Variants in IL7 observed in about 807,000 individuals in gnomAD.
IL7 encodes the protein interleukin 7.
A neutral mutation model predicts 21.6 loss-of-function variants in IL7; 3 were observed. The observed-to-expected ratio is 0.14, with a 90% confidence interval of 0.06 to 0.36. The LOEUF (loss-of-function observed/expected upper bound fraction) is 0.36. Among genes scored for constraint, IL7 ranks in the 10% least tolerant of loss-of-function variants. The pLI, the probability that IL7 is intolerant of heterozygous loss-of-function variation, is 1.00. For missense variants in IL7, 175 were observed against 200.2 expected, an observed-to-expected ratio of 0.87 and a Z score of 0.76; for synonymous variants, 62 against 68.1, an observed-to-expected ratio of 0.91 and a Z score of 0.44.
rs1412219433 is a variant in IL7 at position 78,695,498 on chromosome 8, T to C, written n.215-9551A>G. 3.3e-5 allele frequency among the ~76,000 whole-genome samples: 5 copies of C among 152,298 alleles called. No homozygotes were observed. The East Asian group carries it at 9.6e-4, about 29-fold the overall frequency. On this transcript the variant is annotated intron_variant and non_coding_transcript_variant, in intron 3 of 4. Transcript: ENST00000523959. ...TGCTAATCATTTTGCTCTTTTTTGATTGTACAGTTTGAGTGGGTCAGCAGT... is the reference window on the plus strand; with the variant it reads ...TGCTAATCATTTTGCTCTTTTTTGACTGTACAGTTTGAGTGGGTCAGCAGT...
chr8:78,708,857 A>G (rs1304670995), intron 3 of IL7, among the ~76,000 whole-genome samples: 5 of 151,784 alleles, frequency 3.3e-5, no homozygotes, highest in African/African-American at 1.2e-4. Flanking sequence ...TTGAATTTTT[A>G]TGGGTTTTCA....
rs761947069 is a variant in IL7, at chr8:78,738,630, A to T, written c.234T>A (p.Gly78=). The change falls in exon 4 of 6, where the codon GGT becomes GGA. Residue 78 remains glycine (G), a synonymous_variant. Coordinates refer to ENST00000263851, the MANE Select transcript of IL7 (RefSeq NM_000880.4). ...KRHICDANKE[G]MFLFRAARKL... ...TGCGAGCAGCACGGAATAAAAACAT[A>T]CCTTCCTATTATAGGAAAAAGTCAG... 2.4e-5 allele frequency: 38 copies of T among 1,613,156 alleles called. No individual in the cohort carries two copies. Among genetic ancestry groups the T allele is most frequent in the Non-Finnish European group, 3.0e-5 (35 of 1,179,542 alleles).
In IL7 at chr8:78,686,384, T is replaced by C. The variant is rs536278182; in HGVS notation, n.215-437A>G. 5 of 1,092,718 alleles carry C rather than the reference T, an allele frequency of 4.6e-6. No homozygotes were observed. The Admixed American group carries it at 1.6e-4, about 36-fold the overall frequency. The allele number at this position is 1,092,718 out of a possible 1,614,324, so 67.7% of individuals were successfully genotyped here. ...TGATAAGAGAACATTTAAAATGATA[T>C]GGAATTATCTGATGTTTTATTTCAA... On this transcript the variant is annotated intron_variant and non_coding_transcript_variant, in intron 3 of 4. Coordinates refer to the IL7 transcript ENST00000523959.
chr8:78,726,872 A>T (rs1586045108), intron 3 of IL7, among the ~76,000 whole-genome samples: 2 of 151,982 alleles, frequency 1.3e-5, no homozygotes, highest in East Asian at 3.9e-4. Flanking sequence ...TAGTTTCTTA[A>T]TATAGTACCC....
At chr8:78,796,106 T>C (rs554695962) in intron 2 of IL7, among the ~76,000 whole-genome samples, 2 of 152,182 alleles carry the variant, frequency 1.3e-5, no homozygotes, top group East Asian at 3.9e-4. Flanking sequence ...TCACATTGTA[T>C]TGATACAGCT....
chr8:78,770,613 CTCTG>C (rs1355236113), intron 2 of IL7, among the ~76,000 whole-genome samples: 2 of 152,052 alleles, frequency 1.3e-5, no homozygotes, highest in Non-Finnish European at 2.9e-5. Context: ...TAGCTCTCTG[CTCTG>C]TCTATGGTAT....
chr8:78,731,631 A>C (rs1437414315), downstream of IL7, among the ~76,000 whole-genome samples: 1 of 152,050 alleles, frequency 6.6e-6, no homozygotes, highest in African/African-American at 2.4e-5. Flanking sequence ...TATTTAAAAG[A>C]AAATGTTTAT....
Position 78,798,088 on chromosome 8 carries a change from C to A in IL7, c.131G>T (p.Ser44Ile), listed in dbSNP as rs751462790. ...GKQYESVLMV[S>I]IDQLLDSMKE... is the part of the protein sequence containing the mutation. ...ATCACATACCAATAATTGATCGATG[C>A]TGACCATTAGAACACTCTCATATTG... The change falls in exon 2 of 6, where the codon AGC (serine) becomes ATC (isoleucine). Residue 44 changes from serine (S) to isoleucine (I), a missense_variant. Transcript: ENST00000263851. 1.9e-6 allele frequency: 3 copies of A among 1,609,142 alleles called. No individual in the cohort carries two copies. Among genetic ancestry groups the A allele is most frequent in the Non-Finnish European group, 2.5e-6 (3 of 1,177,152 alleles).
chr8:78,764,425 G>A (rs1386128867), intron 2 of IL7, among the ~76,000 whole-genome samples: 1 of 151,978 alleles, frequency 6.6e-6, no homozygotes, highest in Non-Finnish European at 1.5e-5. Context: ...AATTGTCTAT[G>A]TAGAAAATTT....
In IL7 at chr8:78,694,198, A is replaced by C. The variant is rs548735406; in HGVS notation, n.215-8251T>G. Among the ~76,000 whole-genome samples, 22 of 150,924 alleles carry C rather than the reference A, an allele frequency of 1.5e-4. No homozygotes were observed. In the South Asian group the frequency reaches 4.4e-3, roughly 30 times the overall value. On this transcript the variant is annotated intron_variant and non_coding_transcript_variant, in intron 3 of 4. Transcript: ENST00000523959. Reference sequence around the variant, plus strand: ...ATTAATATTTTCATAGTTGTCTGCTATTTCTTTAAATGTAGTACTCATAGT... The same window carrying C: ...ATTAATATTTTCATAGTTGTCTGCTCTTTCTTTAAATGTAGTACTCATAGT...
rs140571736 is a variant in IL7 at position 78,701,732 on chromosome 8, G to A, written n.215-15785C>T. Among the ~76,000 whole-genome samples, 269 of 152,178 alleles carry A rather than the reference G, an allele frequency of 1.8e-3. 1 individual carries two copies. Among genetic ancestry groups the A allele is most frequent in the Non-Finnish European group, 2.8e-3 (188 of 67,994 alleles). On this transcript the variant is annotated intron_variant and non_coding_transcript_variant, in intron 3 of 4. Coordinates refer to the IL7 transcript ENST00000523959. ...GTTGAATTTTATTGAAAACCTTTTC[G>A]TCATCTATTAAGATAATCATGTGCT...
chr8:78,768,817 G>A (rs1374730574), intron 2 of IL7, among the ~76,000 whole-genome samples: 6 of 152,042 alleles, frequency 3.9e-5, no homozygotes, highest in East Asian at 1.9e-4. Context: ...CCAGCAGCAC[G>A]TCAAGAAGCT....
At chr8:78,765,541 C>T (rs936346443) in intron 2 of IL7, among the ~76,000 whole-genome samples, 11 of 151,998 alleles carry the variant, frequency 7.2e-5, no homozygotes, top group African/African-American at 2.4e-4. Flanking sequence ...AGCACCTCAG[C>T]AAAGAAGATA....
chr8:78,744,473 T>C (rs1355543768), intron 2 of IL7, among the ~76,000 whole-genome samples: 1 of 152,078 alleles, frequency 6.6e-6, no homozygotes, highest in South Asian at 2.1e-4. Context: ...ACAGTGAAGA[T>C]GGTGGCCTTC....
intron 3 of IL7, among the ~76,000 whole-genome samples, chr8:78,690,311 G>A (rs113567669): frequency 0.037 from 5,620 of 152,236 alleles, 313 homozygotes; most frequent in African/African-American, 0.13. Flanking sequence ...TTTAATCCCA[G>A]CACTTTGGGA....
chr8:78,708,198 T>C (rs955171879), intron 3 of IL7, among the ~76,000 whole-genome samples: 7 of 152,220 alleles, frequency 4.6e-5, no homozygotes, highest in Admixed American at 3.9e-4. Context: ...AAATTGAGCA[T>C]TCGCTGAGAT....
At chr8:78,734,770 G>T (rs1030778932) in intron 5 of IL7, among the ~76,000 whole-genome samples, 8 of 152,130 alleles carry the variant, frequency 5.3e-5, no homozygotes, top group African/African-American at 1.9e-4. Context: ...TGTGCTCAGT[G>T]TTTAACATAA....
intron 2 of IL7, among the ~76,000 whole-genome samples, chr8:78,751,607 T>G (rs1812175009): frequency 6.6e-6 from 1 of 152,204 alleles, no homozygotes; most frequent in East Asian, 1.9e-4. Context: ...CTTTCCCTTA[T>G]TTTTACTTTT....
At chr8:78,685,266 AT>A (rs1366950402) in intron 4 of IL7, among the ~76,000 whole-genome samples, 4 of 152,144 alleles carry the variant, frequency 2.6e-5, no homozygotes, top group Non-Finnish European at 5.9e-5. Flanking sequence ...TGTTAAAAAA[AT>A]AAGCGAAATT....
Sources: gnomAD v4.1 joint callset for allele counts (sites outside exome capture counted in the v4.1 genomes callset) on GRCh38, gnomAD v4.1.1 for gene constraint, MANE v1.5 for transcripts, NCBI Gene and HGNC (gene_info 2026-07-23, HGNC 2026-07-21) for gene names.